The following ABAT variants were observed in gnomAD, a reference collection of about 807,000 sequenced individuals.
The protein encoded by ABAT is 4-aminobutyrate aminotransferase.
Under a neutral mutation model 64.6 loss-of-function variants are expected in ABAT, and 45 were observed. The observed-to-expected ratio is 0.70, with a 90% CI of 0.55 to 0.89. The LOEUF (loss-of-function observed/expected upper bound fraction) is 0.89. Ranked by LOEUF, ABAT falls within the 40% of genes least tolerant of loss-of-function variation. ABAT has a pLI of 0.00. For missense variants in ABAT, 633 were observed against 658.4 expected (o/e 0.96, Z 0.42); for synonymous variants, 297 against 250.5 (o/e 1.19, Z -1.75).
chr16:8,779,587 A>G lies in ABAT; in HGVS notation c.1378A>G (p.Lys460Glu). The G allele has an allele frequency of 1.2e-6, 2 of 1,613,564 alleles. No homozygotes were observed. The highest frequency in any genetic ancestry group is 8.5e-7 in the Non-Finnish European group (1 of 1,179,686). Reference protein sequence around the residue: ...RNKLILIARNKGVVLGGCGDK... With the variant: ...RNKLILIARNEGVVLGGCGDK... ...TAAGCTCATTTTAATTGCCAGAAAC[A>G]AAGGTAAGGGGTCAGGAGTGGCTGC... The change falls in exon 15 of 16, where the codon AAA becomes GAA. Residue 460 changes from lysine (K) to glutamate (E), a missense_variant. Lys to Glu is a moderately conservative substitution (Grantham distance 56). Coordinates refer to ENST00000268251, the MANE Select transcript of ABAT (RefSeq NM_020686.6).
chr16:8,762,584 C>G (rs572809130), intron 6 of ABAT, among the ~76,000 whole-genome samples: 1 of 152,280 alleles, frequency 6.6e-6, no homozygotes, highest in East Asian at 1.9e-4. Flanking sequence ...ATCCTGATAC[C>G]CAATGTCCCA....
At chr16:8,708,734 T>A (rs2058005105) in intron 1 of ABAT, among the ~76,000 whole-genome samples, 1 of 152,244 alleles carries the variant, frequency 6.6e-6, no homozygotes, top group Admixed American at 6.5e-5. Flanking sequence ...GATGGCTGGA[T>A]AAGCTTTGGG....
chr16:8,753,980 G>A (rs1464730375), intron 5 of ABAT, among the ~76,000 whole-genome samples: 1 of 151,938 alleles, frequency 6.6e-6, no homozygotes, highest in Non-Finnish European at 1.5e-5. Context: ...TCAGAGGCTT[G>A]GGCAGGCAAC....
chr16:8,695,930 G>C (rs2057691497), intron 1 of ABAT, among the ~76,000 whole-genome samples: 1 of 152,152 alleles, frequency 6.6e-6, no homozygotes, highest in African/African-American at 2.4e-5. Context: ...GGATCTCTGA[G>C]CTGATTGGGT....
intron 2 of ABAT, 78 bp downstream of exon 2, chr16:8,735,887 G>A (rs1398074046): frequency 3.8e-6 from 5 of 1,331,250 alleles, no homozygotes; most frequent in South Asian, 1.3e-5. Flanking sequence ...GGCTGGAAGA[G>A]CCCTTGGGGA....
At chr16:8,677,352 TAG>T (rs572503750) in intron 1 of ABAT, among the ~76,000 whole-genome samples, 3 of 152,170 alleles carry the variant, frequency 2.0e-5, no homozygotes, top group Non-Finnish European at 4.4e-5. Flanking sequence ...GATGTCTTCC[TAG>T]AGAGACAGTG....
intron 15 of ABAT, 44 bp downstream of exon 15, chr16:8,779,634 A>C: frequency 2.0e-6 from 3 of 1,521,746 alleles, no homozygotes; most frequent in Non-Finnish European, 2.7e-6. Flanking sequence ...AGCATCCAGT[A>C]TCTCCTGCTG....
intron 2 of ABAT, among the ~76,000 whole-genome samples, chr16:8,743,653 ATATT>A (rs1567299445): frequency 1.5e-5 from 2 of 135,200 alleles, no homozygotes; most frequent in East Asian, 4.0e-4. Flanking sequence ...TATATAATAT[ATATT>A]TTAGTTATAA....
At chr16:8,708,877 C>T (rs948336611) in intron 1 of ABAT, among the ~76,000 whole-genome samples, 1 of 152,162 alleles carries the variant, frequency 6.6e-6, no homozygotes, top group African/African-American at 2.4e-5. Context: ...GAATAAACAG[C>T]AGGTGCTCAA....
intron 2 of ABAT, among the ~76,000 whole-genome samples, chr16:8,745,368 C>G (rs1054041592): frequency 1.4e-4 from 21 of 152,188 alleles, no homozygotes; most frequent in African/African-American, 4.6e-4. Context: ...TAGGATGAAT[C>G]ATAAAAACGA....
intron 12 of ABAT, 151 bp downstream of exon 12, chr16:8,773,068 G>C: frequency 1.0e-6 from 1 of 981,528 alleles, no homozygotes; most frequent in Admixed American, 2.0e-5. Context: ...GGAGAAGTTG[G>C]GGTTGGTGAA....
At chr16:8,725,960 C>G (rs570462052) in intron 1 of ABAT, among the ~76,000 whole-genome samples, 18 of 152,264 alleles carry the variant, frequency 1.2e-4, no homozygotes, top group African/African-American at 4.3e-4. Context: ...ACCCCAGCAT[C>G]TCATTGACAT....
chr16:8,763,294 C>G (rs1199167634), intron 6 of ABAT, among the ~76,000 whole-genome samples: 3 of 152,122 alleles, frequency 2.0e-5, no homozygotes, highest in Non-Finnish European at 4.4e-5. Flanking sequence ...CTTGACCTCT[C>G]TGGTCCTCAG....
At chr16:8,733,043 C>A (rs1405276966) in intron 1 of ABAT, among the ~76,000 whole-genome samples, 1 of 145,764 alleles carries the variant, frequency 6.9e-6, no homozygotes, top group Non-Finnish European at 1.5e-5. Context: ...CCCCACCTCC[C>A]TCCCGGATGG....
At position 8,711,782 on chromosome 16, in the gene ABAT, G is replaced by T. The variant is rs946145897; in HGVS notation, c.-41-23917G>T. On this transcript the variant is annotated intron_variant, in intron 1 of 15. Coordinates refer to ENST00000268251, the MANE Select transcript of ABAT (RefSeq NM_020686.6). ...TGGGAAGATGGATGGATGGATGGATGGGAAGATGGATGGATGGATGGATGG... is the reference window on the plus strand; with the variant it reads ...TGGGAAGATGGATGGATGGATGGATTGGAAGATGGATGGATGGATGGATGG... 1.5e-5 allele frequency among the ~76,000 whole-genome samples: 2 copies of T among 132,844 alleles called. 1 individual carries two copies. Among genetic ancestry groups the T allele is most frequent in the East Asian group, 4.2e-4 (2 of 4,790 alleles). 87.2% of individuals were successfully genotyped at this position (132,844 alleles called of 152,430 possible). A position where few individuals can be genotyped will look rare whatever the true frequency, so the allele number is the denominator to read the frequency against.
At chr16:8,742,791 G>A (rs776558099) in intron 2 of ABAT, among the ~76,000 whole-genome samples, 5 of 151,136 alleles carry the variant, frequency 3.3e-5, no homozygotes, top group African/African-American at 9.7e-5. Context: ...GCTTGAAACC[G>A]GGATGCAGAG....
At chr16:8,747,038 A>G (rs1192206281) in intron 3 of ABAT, among the ~76,000 whole-genome samples, 1 of 152,166 alleles carries the variant, frequency 6.6e-6, no homozygotes, top group Non-Finnish European at 1.5e-5. Flanking sequence ...TCCTCATGGC[A>G]ATGGCAAAGG....
chr16:8,732,826 A>G (rs2058775357), intron 1 of ABAT, among the ~76,000 whole-genome samples: 2 of 146,104 alleles, frequency 1.4e-5, no homozygotes, highest in Non-Finnish European at 3.0e-5. Context: ...CACCTCCCGG[A>G]CGGGGCGGCT....
At chr16:8,755,254 G>A (rs74008058) in intron 5 of ABAT, among the ~76,000 whole-genome samples, 3 of 151,946 alleles carry the variant, frequency 2.0e-5, no homozygotes, top group Admixed American at 2.0e-4. Context: ...TGGTCTTCTC[G>A]ACAGGGAGGT....
Sources: allele counts gnomAD v4.1 joint callset (sites outside exome capture counted in the v4.1 genomes callset), GRCh38; gene constraint gnomAD v4.1.1; transcripts MANE v1.5; gene names NCBI Gene and HGNC (gene_info 2026-07-23, HGNC 2026-07-21).